The following RBPJ variants were observed in gnomAD, a reference collection of about 807,000 sequenced individuals.
RBPJ encodes recombining binding protein suppressor of hairless.
Under a neutral mutation model 67.8 loss-of-function variants are expected in RBPJ, and 9 were observed. That is an observed-to-expected ratio of 0.13 (90% CI 0.08 to 0.23). The LOEUF (loss-of-function observed/expected upper bound fraction) is 0.23, where lower values mean the gene tolerates loss of function less well. Ranked by LOEUF, RBPJ falls within the 10% of genes least tolerant of loss-of-function variation. The probability of loss-of-function intolerance (pLI) is 1.00; values close to 1 mark genes in which losing one functional copy is unlikely to be tolerated. For synonymous variants in RBPJ, 198 were observed against 203.3 expected, an observed-to-expected ratio of 0.97 and a Z score of 0.22; for missense variants, 305 against 595.6, an observed-to-expected ratio of 0.51 and a Z score of 5.08.
At chr4:26,421,754 C>A (rs1216250621) in intron 5 of RBPJ, among the ~76,000 whole-genome samples, 2 of 152,138 alleles carry the variant, frequency 1.3e-5, no homozygotes, top group African/African-American at 4.8e-5. Context: ...ATCCTTTCAA[C>A]CAAAATTTCT....
the RBPJ span, among the ~76,000 whole-genome samples, chr4:26,151,664 G>A: frequency 2.6e-3 from 396 of 152,266 alleles, 3 homozygotes; most frequent in African/African-American, 9.4e-3. Flanking sequence ...TCACACCACC[G>A]GCCGATGACA....
chr4:26,384,793 C>A (rs111706714), intron 1 of RBPJ, among the ~76,000 whole-genome samples: 43 of 117,236 alleles, frequency 3.7e-4, no homozygotes, highest in African/African-American at 1.3e-3. Context: ...CCTCTCCCCT[C>A]TCCCCCTCCC....
At chr4:26,367,013 A>G (rs993022140) in intron 1 of RBPJ, among the ~76,000 whole-genome samples, 15 of 151,744 alleles carry the variant, frequency 9.9e-5, no homozygotes, top group African/African-American at 3.4e-4. Flanking sequence ...AATCCCAGCT[A>G]CTCGGGAGGC....
intron 1 of RBPJ, among the ~76,000 whole-genome samples, chr4:26,303,181 AAAATAAAT>A (rs143814094): frequency 9.8e-4 from 136 of 138,364 alleles, no homozygotes; most frequent in South Asian, 2.9e-3. Context: ...ACCCTGTCAA[AAAATAAAT>A]AAATAAATAA....
At chr4:26,370,749 T>C (rs933799584) in intron 1 of RBPJ, among the ~76,000 whole-genome samples, 1 of 152,152 alleles carries the variant, frequency 6.6e-6, no homozygotes, top group African/African-American at 2.4e-5. Flanking sequence ...CTACCTGAAT[T>C]TGGTAAAATA....
chr4:26,324,946 A>T (rs1723464910), intron 1 of RBPJ, among the ~76,000 whole-genome samples: 1 of 152,126 alleles, frequency 6.6e-6, no homozygotes, highest in Admixed American at 6.5e-5. Flanking sequence ...GTGCTTTGTT[A>T]TTTGCTCTTA....
At chr4:26,425,325 C>T (rs1026837359) in intron 7 of RBPJ, among the ~76,000 whole-genome samples, 4 of 152,162 alleles carry the variant, frequency 2.6e-5, no homozygotes, top group African/African-American at 9.7e-5. Flanking sequence ...GTGACTCACA[C>T]CTGCAATCCC....
intron 1 of RBPJ, among the ~76,000 whole-genome samples, chr4:26,295,509 G>A (rs193110891): frequency 1.2e-4 from 18 of 152,244 alleles, no homozygotes; most frequent in Admixed American, 1.0e-3. Flanking sequence ...TAATGTGATG[G>A]AGTGTAGGAT....
chr4:26,218,359 G>A (rs746251116), intron 1 of RBPJ, among the ~76,000 whole-genome samples: 16 of 152,140 alleles, frequency 1.1e-4, no homozygotes, highest in Admixed American at 5.2e-4. Context: ...AACCGTGGCC[G>A]CCTGAGGAAA....
chr4:26,113,279 C>T, the RBPJ span: 5 of 371,654 alleles, frequency 1.3e-5, no homozygotes, highest in Non-Finnish European at 2.7e-5. Flanking sequence ...AGTTACATCT[C>T]ACTCAGCTTT....
At position 26,217,476 on chromosome 4, in the gene RBPJ, T is replaced by C. The variant is rs145953319; in HGVS notation, c.-167+53862T>C. On this transcript the variant is annotated intron_variant, in intron 1 of 4. Transcript: ENST00000512351. ...AAGTATTCTCATTCTGGTATTTTTA[T>C]GGCCTGAGCTATTTTAGCCAGGAGG... 2.2e-3 allele frequency among the ~76,000 whole-genome samples: 336 copies of C among 152,170 alleles called. 2 individuals are homozygous for C. The highest frequency in any genetic ancestry group is 7.6e-3 in the African/African-American group (317 of 41,522).
intron 1 of RBPJ, among the ~76,000 whole-genome samples, chr4:26,236,426 G>C (rs1481961302): frequency 6.6e-6 from 1 of 152,064 alleles, no homozygotes; most frequent in African/African-American, 2.4e-5. Context: ...TTCATTCAGG[G>C]TCTCTCATGA....
intron 1 of RBPJ, among the ~76,000 whole-genome samples, chr4:26,352,525 C>A (rs1726917219): frequency 6.6e-6 from 1 of 152,164 alleles, no homozygotes; most frequent in Non-Finnish European, 1.5e-5. Flanking sequence ...CAAGGCTGGG[C>A]GTGGTGGCTC....
intron 1 of RBPJ, among the ~76,000 whole-genome samples, chr4:26,325,123 C>T (rs537641276): frequency 6.6e-6 from 1 of 152,160 alleles, no homozygotes. Flanking sequence ...CCCAAAGCCA[C>T]GATTCCTAAT....
At chr4:26,362,574 C>T (rs1728178642) in intron 1 of RBPJ, 14 of 1,613,214 alleles carry the variant, frequency 8.7e-6, no homozygotes, top group Non-Finnish European at 1.2e-5. Context: ...TCGAAGTGTT[C>T]CAAGCTGTGA....
intron 4 of RBPJ, among the ~76,000 whole-genome samples, chr4:26,419,941 C>T (rs1734962267): frequency 6.6e-6 from 1 of 152,018 alleles, no homozygotes; most frequent in Non-Finnish European, 1.5e-5. Flanking sequence ...TCCTTTTGGG[C>T]AAAGTTAACC....
At chr4:26,112,496 A>G in the RBPJ span, 1 of 147,732 alleles carries the variant, frequency 6.8e-6, no homozygotes, top group African/African-American at 2.5e-5. Flanking sequence ...TTTTTGACCA[A>G]CCTTTTGAGT....
At chr4:26,305,313 T>C (rs1722197837) in intron 1 of RBPJ, among the ~76,000 whole-genome samples, 2 of 152,206 alleles carry the variant, frequency 1.3e-5, no homozygotes, top group Non-Finnish European at 2.9e-5. Flanking sequence ...GTTTGGCTAT[T>C]GTGGGTTCCA....
In RBPJ at chr4:26,432,243, G is replaced by T. The variant is rs889638217; in HGVS notation, c.*1236G>T. ...TTTTATTATCTTTACTTTTTTGGGG[G>T]GTTGGAGGGGGTAGCCTAGCCAGAA... is the stretch of plus-strand genomic sequence containing the variant. On this transcript the variant is annotated 3_prime_UTR_variant, in exon 11 of 11. Coordinates refer to ENST00000355476, the MANE Select transcript of RBPJ (RefSeq NM_015874.6). 5.3e-5 allele frequency: 8 copies of T among 152,192 alleles called. No homozygotes were observed. The highest frequency in any genetic ancestry group is 1.7e-4 in the African/African-American group (7 of 41,402). The allele number at this position is 152,192 out of a possible 1,614,324, so 9.4% of individuals were successfully genotyped here.
Sources: gnomAD v4.1 joint callset for allele counts (sites outside exome capture counted in the v4.1 genomes callset) on GRCh38, gnomAD v4.1.1 for gene constraint, MANE v1.5 for transcripts, NCBI Gene and HGNC (gene_info 2026-07-23, HGNC 2026-07-21) for gene names.